HCN1: variants seen among roughly 807,000 people sequenced by gnomAD.
The protein encoded by HCN1 is potassium/sodium hyperpolarization-activated cyclic nucleotide-gated channel 1.
Under a neutral mutation model 78.9 loss-of-function variants are expected in HCN1, and 13 were observed. The observed-to-expected ratio is 0.16, with a 90% CI of 0.11 to 0.26. The LOEUF is 0.26. Ranked by LOEUF, HCN1 falls within the 10% of genes least tolerant of loss-of-function variation. HCN1 has a pLI of 1.00. For synonymous variants in HCN1, 552 were observed against 455.5 expected, an observed-to-expected ratio of 1.21 and a Z score of -2.70; for missense variants, 810 against 1,154.3, an observed-to-expected ratio of 0.70 and a Z score of 4.32.
intron 1 of HCN1, among the ~76,000 whole-genome samples, chr5:45,674,697 A>T (rs1167980142): frequency 2.0e-5 from 3 of 151,776 alleles, no homozygotes; most frequent in Non-Finnish European, 4.4e-5. Context: ...CACATGCTGA[A>T]TGTTTTATTA....
intron 3 of HCN1, among the ~76,000 whole-genome samples, chr5:45,400,619 C>T (rs1305380929): frequency 2.6e-5 from 4 of 151,742 alleles, no homozygotes; most frequent in African/African-American, 9.7e-5. Context: ...TCGAACTCCT[C>T]GAACTCAAAT....
chr5:45,498,479 A>G (rs1355937741), intron 2 of HCN1, among the ~76,000 whole-genome samples: 1 of 152,016 alleles, frequency 6.6e-6, no homozygotes, highest in Non-Finnish European at 1.5e-5. Context: ...TTCTAGTTAT[A>G]CATTCTTCTA....
chr5:45,461,514 A>G (rs1741156920), intron 3 of HCN1, among the ~76,000 whole-genome samples: 1 of 152,136 alleles, frequency 6.6e-6, no homozygotes, highest in Admixed American at 6.6e-5. Context: ...ATAAGGCGTT[A>G]TTCTAAGCCA....
chr5:45,560,432 T>C (rs1743573222), intron 2 of HCN1, among the ~76,000 whole-genome samples: 1 of 152,042 alleles, frequency 6.6e-6, no homozygotes, highest in Non-Finnish European at 1.5e-5. Context: ...TCATATTTCA[T>C]AGCTCATCAT....
chr5:45,511,989 G>A (rs1256533196), intron 2 of HCN1, among the ~76,000 whole-genome samples: 1 of 151,964 alleles, frequency 6.6e-6, no homozygotes, highest in African/African-American at 2.4e-5. Flanking sequence ...AATGTAATAA[G>A]TTCTACAAAA....
At chr5:45,467,016 T>G (rs554512074) in intron 2 of HCN1, among the ~76,000 whole-genome samples, 19 of 152,278 alleles carry the variant, frequency 1.2e-4, no homozygotes, top group African/African-American at 4.1e-4. Flanking sequence ...AATCCACTCT[T>G]CAGCCTCCTC....
At chr5:45,683,306 T>A (rs959934854) in intron 1 of HCN1, among the ~76,000 whole-genome samples, 1 of 152,154 alleles carries the variant, frequency 6.6e-6, no homozygotes, top group Non-Finnish European at 1.5e-5. Context: ...TTTTCTTTTA[T>A]AGATTCCAAT....
At chr5:45,593,220 A>G (rs867901067) in intron 2 of HCN1, among the ~76,000 whole-genome samples, 1 of 145,726 alleles carries the variant, frequency 6.9e-6, no homozygotes, top group Non-Finnish European at 1.5e-5. Flanking sequence ...GCGCACACAC[A>G]CACACACACA....
At chr5:45,604,209 C>G (rs563043771) in intron 2 of HCN1, among the ~76,000 whole-genome samples, 1 of 152,082 alleles carries the variant, frequency 6.6e-6, no homozygotes, top group Non-Finnish European at 1.5e-5. Flanking sequence ...ATCTTTACAA[C>G]AACTCTGTGA....
At chr5:45,430,800 C>T (rs181407909) in intron 3 of HCN1, among the ~76,000 whole-genome samples, 388 of 152,040 alleles carry the variant, frequency 2.6e-3, no homozygotes, top group Middle Eastern at 6.9e-3. Context: ...CCAGCCTGGG[C>T]GACAGAGCGA....
chr5:45,348,090 A>G lies in HCN1; in HGVS notation c.1377+5010T>C, dbSNP rs560805692. On this transcript the variant is annotated intron_variant, in intron 5 of 7. Coordinates refer to ENST00000303230, the MANE Select transcript of HCN1 (RefSeq NM_021072.4). ...AGATTCACCAAAGTTGAAATGAAGG[A>G]AAAAATGTTCAGGGCAGCCAGAGAG... 3.1e-4 allele frequency among the ~76,000 whole-genome samples: 47 copies of G among 152,286 alleles called. No individual in the cohort carries two copies. The South Asian group carries it at 9.3e-3, about 30-fold the overall frequency.
intron 2 of HCN1, among the ~76,000 whole-genome samples, chr5:45,532,638 G>T (rs144372139): frequency 1.1e-4 from 16 of 152,198 alleles, no homozygotes; most frequent in African/African-American, 3.9e-4. Context: ...TTTTATATAT[G>T]TTTATTTATA....
intron 2 of HCN1, among the ~76,000 whole-genome samples, chr5:45,548,345 C>G (rs1210457357): frequency 6.6e-6 from 1 of 151,598 alleles, no homozygotes; most frequent in Non-Finnish European, 1.5e-5. Flanking sequence ...AGATTTAACA[C>G]AAGAAATAAA....
chr5:45,622,503 A>AT (rs895751622), intron 2 of HCN1, among the ~76,000 whole-genome samples: 1 of 152,122 alleles, frequency 6.6e-6, no homozygotes, highest in African/African-American at 2.4e-5. Flanking sequence ...CTGTAGCAGA[A>AT]TTTTTTCTCC....
intron 3 of HCN1, among the ~76,000 whole-genome samples, chr5:45,431,909 C>T (rs1373225684): frequency 2.6e-5 from 4 of 152,094 alleles, no homozygotes; most frequent in Admixed American, 6.6e-5. Context: ...ATTGCCTTGG[C>T]TATTTAGGCT....
chr5:45,352,737 CA>C (rs1396073493), intron 5 of HCN1, among the ~76,000 whole-genome samples: 1 of 151,588 alleles, frequency 6.6e-6, no homozygotes. Flanking sequence ...TATCAGGGTC[CA>C]TGAGATGATC....
At chr5:45,461,646 C>A (rs1234450749) in intron 3 of HCN1, among the ~76,000 whole-genome samples, 200 bp downstream of exon 3, 2 of 152,054 alleles carry the variant, frequency 1.3e-5, no homozygotes, top group African/African-American at 4.8e-5. Flanking sequence ...CATATACATA[C>A]TCAGGAACAT....
At chr5:45,452,315 T>A (rs1304657127) in intron 3 of HCN1, among the ~76,000 whole-genome samples, 2 of 151,458 alleles carry the variant, frequency 1.3e-5, no homozygotes, top group African/African-American at 4.9e-5. Flanking sequence ...TAGAAGGGTA[T>A]TTAGTTTTTT....
In HCN1 at chr5:45,261,860, A is replaced by G; in HGVS notation, c.*61T>C. 3 of 1,601,052 alleles carry G rather than the reference A, an allele frequency of 1.9e-6. No homozygotes were observed. Among genetic ancestry groups the G allele is most frequent in the Non-Finnish European group, 2.6e-6 (3 of 1,170,258 alleles). ...ATCTATCAGGAGATAGAATAAAATA[A>G]GATCTGAGTATAGTCTCAGTTTATG... is the stretch of plus-strand genomic sequence containing the variant. On this transcript the variant is annotated 3_prime_UTR_variant, in exon 8 of 8. Coordinates refer to ENST00000303230, the MANE Select transcript of HCN1 (RefSeq NM_021072.4).
Sources: allele counts gnomAD v4.1 joint callset (sites outside exome capture counted in the v4.1 genomes callset), GRCh38; gene constraint gnomAD v4.1.1; transcripts MANE v1.5; gene names NCBI Gene and HGNC (gene_info 2026-07-23, HGNC 2026-07-21).